MPHOSPH6: variants seen among roughly 807,000 people sequenced by gnomAD.
MPHOSPH6 encodes M-phase phosphoprotein 6.
MPHOSPH6 carries 25 observed loss-of-function variants against 21.8 expected under a neutral mutation model. The observed-to-expected ratio is 1.15, with a 90% CI of 0.83 to 1.60. The LOEUF is 1.60. Among genes scored for constraint, MPHOSPH6 ranks in the 40% most tolerant of loss-of-function variants. MPHOSPH6 has a pLI of 0.00. For missense variants in MPHOSPH6, 269 were observed against 181.8 expected, an observed-to-expected ratio of 1.48 and a Z score of -2.76; for synonymous variants, 84 against 56.5, an observed-to-expected ratio of 1.49 and a Z score of -2.18.
At chr16:82,159,481 T>C (rs528113765) in intron 2 of MPHOSPH6, among the ~76,000 whole-genome samples, 42 of 152,176 alleles carry the variant, frequency 2.8e-4, no homozygotes, top group Non-Finnish European at 5.0e-4. Flanking sequence ...CTCGGCTCAA[T>C]GCAACCTCCG....
intron 2 of MPHOSPH6, among the ~76,000 whole-genome samples, chr16:82,163,234 G>A (rs569156083): frequency 6.6e-6 from 1 of 152,194 alleles, no homozygotes; most frequent in Admixed American, 6.5e-5. Flanking sequence ...CCTCAAGACA[G>A]TAAGCAGCAT....
chr16:82,162,079 T>A (rs1284592954), intron 2 of MPHOSPH6: 2 of 152,226 alleles, frequency 1.3e-5, no homozygotes, highest in African/African-American at 4.8e-5. Context: ...ATGGTGACAA[T>A]CACTGTGCTT....
chr16:82,162,958 A>G, intron 2 of MPHOSPH6, among the ~76,000 whole-genome samples: 1 of 129,454 alleles, frequency 7.7e-6, no homozygotes, highest in East Asian at 2.4e-4. Flanking sequence ...AAAGTAAATT[A>G]TAGCTCCAGC....
chr16:82,161,568 C>T (rs890770094), intron 2 of MPHOSPH6, among the ~76,000 whole-genome samples: 2 of 152,314 alleles, frequency 1.3e-5, no homozygotes, highest in East Asian at 3.9e-4. Flanking sequence ...CCTAGGAATT[C>T]ACACTATATC....
intron 2 of MPHOSPH6, among the ~76,000 whole-genome samples, chr16:82,152,413 G>A (rs146252009): frequency 3.0e-4 from 46 of 152,252 alleles, no homozygotes; most frequent in African/African-American, 1.1e-3. Flanking sequence ...GGCTGACCCT[G>A]GATGACTTCA....
At chr16:82,151,689 G>T (rs1432685349) in intron 2 of MPHOSPH6, among the ~76,000 whole-genome samples, 175 bp from the exon 3 acceptor site, 3 of 152,158 alleles carry the variant, frequency 2.0e-5, no homozygotes, top group African/African-American at 7.2e-5. Context: ...GTCAGCAAAG[G>T]CATTAGGAGA....
intron 2 of MPHOSPH6, among the ~76,000 whole-genome samples, chr16:82,152,447 A>G (rs1407260391): frequency 6.6e-6 from 1 of 152,160 alleles, no homozygotes; most frequent in African/African-American, 2.4e-5. Flanking sequence ...TTACTGTAAG[A>G]ACACTGTAGG....
chr16:82,148,936 A>T, intron 4 of MPHOSPH6, 73 bp from the exon 5 acceptor site: 1 of 1,527,942 alleles, frequency 6.5e-7, no homozygotes, highest in Non-Finnish European at 8.9e-7. Flanking sequence ...CAAGAATATC[A>T]GACCAAATAT....
Position 82,163,990 on chromosome 16 carries a change from G to A in MPHOSPH6, c.164+92C>T. On this transcript the variant is annotated intron_variant, in intron 2 of 4. Coordinates refer to ENST00000258169, the MANE Select transcript of MPHOSPH6 (RefSeq NM_005792.2). ...TAAACTGAACAGAAACAATTTCATGGGCTTTATGTCACCGGAATGATGAGT... is the reference window on the plus strand; with the variant it reads ...TAAACTGAACAGAAACAATTTCATGAGCTTTATGTCACCGGAATGATGAGT... 3.8e-6 allele frequency: 3 copies of A among 781,482 alleles called. No homozygotes were observed. In the East Asian group the frequency reaches 7.6e-5, roughly 20 times the overall value. The allele number at this position is 781,482 out of a possible 1,614,324, so 48.4% of individuals were successfully genotyped here.
At chr16:82,150,396 G>A (rs1313012365) in intron 3 of MPHOSPH6, among the ~76,000 whole-genome samples, 1 of 152,004 alleles carries the variant, frequency 6.6e-6, no homozygotes, top group Admixed American at 6.5e-5. Flanking sequence ...AAGTCAAAGC[G>A]AGACCAGCAT....
At chr16:82,161,310 T>A (rs1191116330) in intron 2 of MPHOSPH6, among the ~76,000 whole-genome samples, 1 of 152,188 alleles carries the variant, frequency 6.6e-6, no homozygotes, top group South Asian at 2.1e-4. Flanking sequence ...GTTCCTATCT[T>A]CCACCAGCAT....
chr16:82,170,038 C>T (rs1906920226), intron 1 of MPHOSPH6, 87 bp downstream of exon 1: 1 of 1,449,468 alleles, frequency 6.9e-7, no homozygotes, highest in South Asian at 1.3e-5. Context: ...TCTGGTGTCC[C>T]TTGTCCGCCC....
At chr16:82,166,604 T>C (rs1906788563) in intron 1 of MPHOSPH6, among the ~76,000 whole-genome samples, 1 of 152,220 alleles carries the variant, frequency 6.6e-6, no homozygotes, top group African/African-American at 2.4e-5. Context: ...GTTCATCTTG[T>C]ATCATTGGTA....
intron 2 of MPHOSPH6, among the ~76,000 whole-genome samples, chr16:82,154,578 A>C (rs116475949): frequency 0.013 from 1,909 of 152,302 alleles, 35 homozygotes; most frequent in African/African-American, 0.043. Context: ...CATGCAATGA[A>C]GAAAGAAACA....
At chr16:82,152,498 A>G (rs80134596) in intron 2 of MPHOSPH6, among the ~76,000 whole-genome samples, 21,382 of 152,160 alleles carry the variant, frequency 0.14, 2,212 homozygotes, top group Admixed American at 0.34. Flanking sequence ...GACCCCTTGT[A>G]GATATCAAAA....
At chr16:82,149,653 A>C (rs1906199754) in intron 3 of MPHOSPH6, among the ~76,000 whole-genome samples, 2 of 152,232 alleles carry the variant, frequency 1.3e-5, no homozygotes, top group Admixed American at 1.3e-4. Flanking sequence ...TAAGATCATA[A>C]ATCTTAGTAT....
At chr16:82,163,444 C>T (rs985492323) in intron 2 of MPHOSPH6, among the ~76,000 whole-genome samples, 4 of 152,180 alleles carry the variant, frequency 2.6e-5, no homozygotes, top group South Asian at 2.1e-4. Context: ...AAACTGTCTA[C>T]CCCAGCCTTC....
intron 3 of MPHOSPH6, 91 bp downstream of exon 3, chr16:82,151,333 G>T: frequency 6.6e-7 from 1 of 1,522,534 alleles, no homozygotes; most frequent in Non-Finnish European, 8.9e-7. Flanking sequence ...GAGTAGAAAT[G>T]GTACCTGGTG....
Position 82,149,295 on chromosome 16 carries a change from C to T in MPHOSPH6, c.350+14G>A, listed in dbSNP as rs752649987. ...CTAGGTCCAGATTAGAAGGCTGCTG[C>T]GCAGCACGGTTACCTTCTAGCCATC... On this transcript the variant is annotated intron_variant, in intron 4 of 4. Transcript: ENST00000258169. 2.5e-5 allele frequency: 40 copies of T among 1,609,564 alleles called. No homozygotes were observed. The highest frequency in any genetic ancestry group is 1.6e-4 in the East Asian group (7 of 44,888).
Sources: allele counts gnomAD v4.1 joint callset (sites outside exome capture counted in the v4.1 genomes callset), GRCh38; gene constraint gnomAD v4.1.1; transcripts MANE v1.5; gene names NCBI Gene and HGNC (gene_info 2026-07-23, HGNC 2026-07-21).